PDLIM1: variants seen among roughly 807,000 people sequenced by gnomAD.
PDLIM1 encodes the protein PDZ and LIM domain protein 1.
PDLIM1 carries 25 observed loss-of-function variants against 35.2 expected under a neutral mutation model. That is an observed-to-expected ratio of 0.71 (90% CI 0.52 to 0.99). The LOEUF (loss-of-function observed/expected upper bound fraction) is 0.99, where lower values mean the gene tolerates loss of function less well. PDLIM1 is among the 50% of genes least tolerant of loss of function. The pLI, the probability that PDLIM1 is intolerant of heterozygous loss-of-function variation, is 0.00. For missense variants in PDLIM1, 363 were observed against 415.3 expected, an observed-to-expected ratio of 0.87 and a Z score of 1.09; for synonymous variants, 152 against 154.0, an observed-to-expected ratio of 0.99 and a Z score of 0.10.
chr10:95,290,316 T>C lies in PDLIM1; in HGVS notation c.96+504A>G, dbSNP rs2035641782. Among the ~76,000 whole-genome samples, 1 of 152,164 alleles carries C rather than the reference T, an allele frequency of 6.6e-6. No individual in the cohort carries two copies. On this transcript the variant is annotated intron_variant, in intron 1 of 6. Coordinates refer to ENST00000329399, the MANE Select transcript of PDLIM1 (RefSeq NM_020992.4). The surrounding 1 kb of genome is among the most constrained non-coding windows in gnomAD (Gnocchi z 4.7). ...CCATTCGAGGGGCGAGCCTCGGCCG[T>C]GGGTCAAGTCCAAAGAGCGTGTTTC...
intron 1 of PDLIM1, among the ~76,000 whole-genome samples, chr10:95,274,014 G>C (rs901151430): frequency 6.6e-6 from 1 of 152,160 alleles, no homozygotes; most frequent in African/African-American, 2.4e-5. Context: ...AATGCCTTAT[G>C]GAACTCATTT....
rs2035641638 is a variant in PDLIM1 at position 95,290,305 on chromosome 10, A to G, written c.96+515T>C. Among the ~76,000 whole-genome samples, 1 of 152,142 alleles carries G rather than the reference A, an allele frequency of 6.6e-6. No individual in the cohort carries two copies. The highest frequency in any genetic ancestry group is 1.5e-5 in the Non-Finnish European group (1 of 68,014). On this transcript the variant is annotated intron_variant, in intron 1 of 6. Transcript: ENST00000329399. The surrounding 1 kb of genome is among the most constrained non-coding windows in gnomAD (Gnocchi z 4.7). Reference sequence around the variant, plus strand: ...TTCTCCAAAAGCCATTCGAGGGGCGAGCCTCGGCCGTGGGTCAAGTCCAAA... The same window carrying G: ...TTCTCCAAAAGCCATTCGAGGGGCGGGCCTCGGCCGTGGGTCAAGTCCAAA...
At chr10:95,288,171 CAAT>C (rs1425953031) in intron 1 of PDLIM1, among the ~76,000 whole-genome samples, 2 of 151,494 alleles carry the variant, frequency 1.3e-5, no homozygotes, top group Admixed American at 6.6e-5. Flanking sequence ...TTTTATTCCA[CAAT>C]AAAAAATAAG....
intron 1 of PDLIM1, among the ~76,000 whole-genome samples, chr10:95,280,902 G>C (rs926909006): frequency 1.3e-5 from 2 of 152,172 alleles, no homozygotes; most frequent in Non-Finnish European, 2.9e-5. Context: ...TTTCAAACAG[G>C]TTGGTCATCA....
intron 1 of PDLIM1, among the ~76,000 whole-genome samples, chr10:95,281,968 A>G (rs1289588288): frequency 2.0e-5 from 3 of 152,290 alleles, no homozygotes; most frequent in Non-Finnish European, 2.9e-5. Flanking sequence ...GTTAAATCTT[A>G]TATGTGTTCT....
At chr10:95,239,580 G>C (rs2035158719) in intron 5 of PDLIM1, among the ~76,000 whole-genome samples, 1 of 152,196 alleles carries the variant, frequency 6.6e-6, no homozygotes, top group Non-Finnish European at 1.5e-5. Flanking sequence ...TGGATCACCT[G>C]AGGTCAGGAA....
At chr10:95,259,745 T>A (rs1169624908) in intron 4 of PDLIM1, among the ~76,000 whole-genome samples, 2 of 152,212 alleles carry the variant, frequency 1.3e-5, no homozygotes, top group African/African-American at 4.8e-5. Context: ...AATATTTGAA[T>A]AGAAAATGAT....
intron 1 of PDLIM1, among the ~76,000 whole-genome samples, chr10:95,278,451 G>T (rs766536616): frequency 6.6e-6 from 1 of 152,138 alleles, no homozygotes; most frequent in African/African-American, 2.4e-5. Context: ...ACAGTCTCCT[G>T]GGGGGAGACA....
intron 4 of PDLIM1, among the ~76,000 whole-genome samples, chr10:95,256,979 A>T (rs1564600645): frequency 3.0e-5 from 4 of 135,198 alleles, no homozygotes; most frequent in South Asian, 2.4e-4. Context: ...CATCTTAAAA[A>T]AAAAAAAAAA....
At chr10:95,280,628 G>A (rs1454083424) in intron 1 of PDLIM1, among the ~76,000 whole-genome samples, 1 of 152,194 alleles carries the variant, frequency 6.6e-6, no homozygotes, top group African/African-American at 2.4e-5. Flanking sequence ...AGAGGTGGGG[G>A]TTTTAACCAA....
intron 4 of PDLIM1, among the ~76,000 whole-genome samples, chr10:95,261,105 G>C (rs2035359103): frequency 6.6e-6 from 1 of 152,208 alleles, no homozygotes; most frequent in Non-Finnish European, 1.5e-5. Context: ...CAGCCAAAGA[G>C]TCTGGGCCAG....
At chr10:95,259,337 A>T (rs1207308016) in intron 4 of PDLIM1, among the ~76,000 whole-genome samples, 2 of 152,252 alleles carry the variant, frequency 1.3e-5, no homozygotes, top group African/African-American at 4.8e-5. Context: ...AATGTAGAGG[A>T]ATACTTGTTT....
At position 95,290,395 on chromosome 10, in the gene PDLIM1, C is replaced by T. The variant is rs1447085861; in HGVS notation, c.96+425G>A. ...CCCCCCACCCCAGTAAACTTCCCAC[C>T]CACCCCACCTCACTTTCCAGGTCTT... On this transcript the variant is annotated intron_variant, in intron 1 of 6. Transcript: ENST00000329399. This position sits in a 1 kb window ranked among gnomAD's most constrained non-coding sequence, Gnocchi z 4.7. Among the ~76,000 whole-genome samples, 1 of 151,722 alleles carries T rather than the reference C, an allele frequency of 6.6e-6. No individual in the cohort carries two copies. Among genetic ancestry groups the T allele is most frequent in the Non-Finnish European group, 1.5e-5 (1 of 67,904 alleles).
At chr10:95,283,981 C>CTCTCTCTGTG (rs143926521) in intron 1 of PDLIM1, among the ~76,000 whole-genome samples, 145 of 150,322 alleles carry the variant, frequency 9.6e-4, no homozygotes, top group African/African-American at 3.3e-3. Flanking sequence ...GCCTTTTTCT[C>CTCTCTCTGTG]TGTGTGTGTG....
chr10:95,263,808 T>TTAAAAAA, intron 4 of PDLIM1, 56 bp downstream of exon 4: 1 of 1,409,340 alleles, frequency 7.1e-7, no homozygotes, highest in Admixed American at 1.9e-5. Flanking sequence ...GCCCTGGTCC[T>TTAAAAAA]GATGTGAAAA....
At chr10:95,250,552 A>T (rs1294978711) in intron 4 of PDLIM1, among the ~76,000 whole-genome samples, 3 of 152,324 alleles carry the variant, frequency 2.0e-5, no homozygotes, top group Middle Eastern at 3.4e-3. Context: ...ACAATATCTT[A>T]AAAAATGATG....
intron 1 of PDLIM1, among the ~76,000 whole-genome samples, chr10:95,280,080 A>G (rs1235687742): frequency 2.6e-5 from 4 of 152,234 alleles, no homozygotes; most frequent in African/African-American, 9.6e-5. Context: ...TTCTTTTTAA[A>G]AAAACAAATT....
At chr10:95,239,249 C>G (rs11188244) in intron 5 of PDLIM1, among the ~76,000 whole-genome samples, 1 of 151,966 alleles carries the variant, frequency 6.6e-6, no homozygotes, top group Non-Finnish European at 1.5e-5. Context: ...AAAAACACTA[C>G]AAGAAAATCT....
chr10:95,245,402 G>A (rs543058037), intron 5 of PDLIM1, among the ~76,000 whole-genome samples: 38 of 152,286 alleles, frequency 2.5e-4, no homozygotes, highest in Non-Finnish European at 4.4e-4. Context: ...CTGGAGTGCC[G>A]GATAGGAGTC....
Sources: allele counts gnomAD v4.1 joint callset (sites outside exome capture counted in the v4.1 genomes callset), GRCh38; gene constraint gnomAD v4.1.1; non-coding constraint Gnocchi (gnomAD v3.1); transcripts MANE v1.5; gene names NCBI Gene and HGNC (gene_info 2026-07-23, HGNC 2026-07-21).